Variants in DNASE1 observed in about 807,000 individuals in gnomAD.
The protein encoded by DNASE1 is deoxyribonuclease-1.
A neutral mutation model predicts 33.9 loss-of-function variants in DNASE1; 40 were observed. The ratio of observed to expected loss-of-function variants is 1.18; its 90% CI spans 0.92 to 1.54. The LOEUF is 1.54. Among genes scored for constraint, DNASE1 ranks in the 40% most tolerant of loss-of-function variants. The pLI is 0.00. For missense variants in DNASE1, 518 were observed against 372.6 expected, an observed-to-expected ratio of 1.39 and a Z score of -3.21; for synonymous variants, 216 against 160.0, an observed-to-expected ratio of 1.35 and a Z score of -2.64.
intron 7 of DNASE1, 84 bp from the exon 8 acceptor site, chr16:3,657,636 G>A: frequency 6.4e-7 from 1 of 1,566,502 alleles, no homozygotes; most frequent in Admixed American, 1.8e-5. Flanking sequence ...GCAGGTCCCA[G>A]GGCTCTTAGT....
Position 3,657,259 on chromosome 16 carries a change from C to T in DNASE1, c.622C>T (p.Leu208=). 6.2e-7 allele frequency: 1 copy of T among 1,614,054 alleles called. No individual in the cohort carries two copies. Among genetic ancestry groups the T allele is most frequent in the Admixed American group, 1.7e-5 (1 of 60,028 alleles). The change falls in exon 7 of 9, where the codon CTG becomes TTG. Residue 208 remains leucine, a synonymous_variant. Transcript: ENST00000246949. Reference sequence around the variant, plus strand: ...ACCCTCCCAGTGGTCATCCATCCGCCTGTGGACAAGCCCCACCTTCCAGTG... The same window carrying T: ...ACCCTCCCAGTGGTCATCCATCCGCTTGTGGACAAGCCCCACCTTCCAGTG... ...VRPSQWSSIR[L]WTSPTFQWLI...
upstream of DNASE1, chr16:3,654,464 T>C: frequency 1.0e-5 from 4 of 398,628 alleles, no homozygotes; most frequent in Non-Finnish European, 1.8e-5. Flanking sequence ...GGGGGCTCCA[T>C]TTGCAACTTT....
At chr16:3,614,474 A>G (rs1230858594) in intron 1 of DNASE1, among the ~76,000 whole-genome samples, 1 of 152,242 alleles carries the variant, frequency 6.6e-6, no homozygotes, top group African/African-American at 2.4e-5. Flanking sequence ...TCTAGGCCAG[A>G]ACCTTTATGG....
intron 1 of DNASE1, among the ~76,000 whole-genome samples, chr16:3,629,143 G>A (rs2041619639): frequency 7.1e-6 from 1 of 140,668 alleles, no homozygotes; most frequent in Admixed American, 7.4e-5. Context: ...CTGCACTCCA[G>A]CCTGGGCGAC....
chr16:3,615,041 G>T (rs1488287293), intron 1 of DNASE1, among the ~76,000 whole-genome samples: 3 of 151,948 alleles, frequency 2.0e-5, no homozygotes, highest in Non-Finnish European at 4.4e-5. Context: ...TTAAACCTGA[G>T]ATTCTCAACT....
chr16:3,643,841 A>G (rs990477340), intron 1 of DNASE1, among the ~76,000 whole-genome samples: 4 of 152,144 alleles, frequency 2.6e-5, no homozygotes, highest in Admixed American at 6.5e-5. Context: ...GGCTCACTGC[A>G]AGCTCTGCCA....
At position 3,633,212 on chromosome 16, in the gene DNASE1, C is replaced by G. The variant is rs138838134; in HGVS notation, c.-1358-7503C>G. On this transcript the variant is annotated intron_variant and NMD_transcript_variant, in intron 1 of 11. Coordinates refer to the DNASE1 transcript ENST00000570769. ...TCTTCCCTTTTCTTTTTATTTTGGT[C>G]TTCCACTCTTTTTCTGCTTTCTCTG... Among the ~76,000 whole-genome samples the G allele has an allele frequency of 4.1e-4, 62 of 152,120 alleles. No individual in the cohort carries two copies. In the East Asian group the frequency reaches 0.011, roughly 28 times the overall value.
downstream of DNASE1, chr16:3,661,861 A>G: frequency 7.9e-7 from 1 of 1,271,334 alleles, no homozygotes; most frequent in Non-Finnish European, 1.0e-6. Context: ...ACAGCTCCTT[A>G]TAGTTACCCA....
At chr16:3,636,648 C>T (rs774359939) in intron 1 of DNASE1, among the ~76,000 whole-genome samples, 22 of 151,634 alleles carry the variant, frequency 1.5e-4, no homozygotes, top group African/African-American at 1.2e-4. Flanking sequence ...GTAGAGACCC[C>T]GTCTCTACTA....
At chr16:3,635,255 C>T (rs192331856) in intron 1 of DNASE1, among the ~76,000 whole-genome samples, 62 of 151,946 alleles carry the variant, frequency 4.1e-4, no homozygotes, top group African/African-American at 1.4e-3. Context: ...GTCAGGAGTT[C>T]AAGACCAGCC....
upstream of DNASE1, chr16:3,652,881 C>T (rs73505456): frequency 1.9e-3 from 297 of 152,506 alleles, no homozygotes; most frequent in African/African-American, 6.7e-3. Flanking sequence ...ACCTGAATCC[C>T]GCCTGGACTT....
upstream of DNASE1, chr16:3,653,593 G>GGT (rs1340231095): frequency 6.6e-6 from 1 of 152,054 alleles, no homozygotes; most frequent in Non-Finnish European, 1.5e-5. Flanking sequence ...CGGATCACAA[G>GGT]GTCACGAGTT....
chr16:3,664,869 AG>A (rs1567224947), exon 10 of DNASE1: 4 of 178,592 alleles, frequency 2.2e-5, no homozygotes, highest in Non-Finnish European at 4.7e-5. Flanking sequence ...TGGCTATGGC[AG>A]AGACTGGCTT....
intron 1 of DNASE1, among the ~76,000 whole-genome samples, chr16:3,634,901 C>T (rs1596592149): frequency 6.6e-6 from 1 of 152,122 alleles, no homozygotes; most frequent in African/African-American, 2.4e-5. Context: ...AATCCCATGA[C>T]TGATCAGTAC....
intron 1 of DNASE1, among the ~76,000 whole-genome samples, chr16:3,616,996 A>G (rs1056774407): frequency 1.3e-5 from 2 of 152,190 alleles, no homozygotes; most frequent in African/African-American, 4.8e-5. Context: ...ATATTAACTC[A>G]GAATGGATCA....
intron 1 of DNASE1, among the ~76,000 whole-genome samples, chr16:3,629,976 G>A (rs1262445316): frequency 2.0e-5 from 3 of 152,080 alleles, no homozygotes; most frequent in Non-Finnish European, 2.9e-5. Flanking sequence ...ACCATGCGCG[G>A]CTAATTTTTG....
chr16:3,657,794 C>G lies in DNASE1; in HGVS notation c.779C>G (p.Ala260Gly), dbSNP rs201413861. The G allele has an allele frequency of 6.2e-7, 1 of 1,614,082 alleles. No individual in the cohort carries two copies. The highest frequency in any genetic ancestry group is 2.2e-5 in the East Asian group (1 of 44,882). The change falls in exon 8 of 9, where the codon GCC becomes GGC. Residue 260 changes from alanine to glycine, a missense_variant. Physicochemically the swap from Ala to Gly is moderately conservative, Grantham distance 60. Transcript: ENST00000246949. ...GCTCTTCCCTTTAACTTCCAGGCTG[C>G]CTATGGCCTGAGTGACCAACTGGTA... ...DSALPFNFQAAYGLSDQLAQA... is the reference protein window; with the variant it reads ...DSALPFNFQAGYGLSDQLAQA...
chr16:3,632,847 A>G (rs2041741752), intron 1 of DNASE1, among the ~76,000 whole-genome samples: 1 of 152,054 alleles, frequency 6.6e-6, no homozygotes, highest in African/African-American at 2.4e-5. Context: ...CAGACTCCCA[A>G]AGTGCTGGTA....
At chr16:3,614,569 G>C (rs1264025927) in intron 1 of DNASE1, among the ~76,000 whole-genome samples, 1 of 152,164 alleles carries the variant, frequency 6.6e-6, no homozygotes. Context: ...TTGCCTTTGG[G>C]TGGTCTCTAG....
Sources: gnomAD v4.1 joint callset for allele counts (sites outside exome capture counted in the v4.1 genomes callset) on GRCh38, gnomAD v4.1.1 for gene constraint, MANE v1.5 for transcripts, NCBI Gene and HGNC (gene_info 2026-07-23, HGNC 2026-07-21) for gene names.